RBMS2: variants seen among roughly 807,000 people sequenced by gnomAD.
RBMS2 encodes RNA-binding motif, single-stranded-interacting protein 2.
A neutral mutation model predicts 58.4 loss-of-function variants in RBMS2; 38 were observed. The ratio of observed to expected loss-of-function variants is 0.65; its 90% confidence interval spans 0.50 to 0.85. The LOEUF is 0.85. RBMS2 is among the 40% of genes least tolerant of loss of function. The pLI, the probability that RBMS2 is intolerant of heterozygous loss-of-function variation, is 0.00. For missense variants in RBMS2, 367 were observed against 503.7 expected, an observed-to-expected ratio of 0.73 and a Z score of 2.60; for synonymous variants, 151 against 180.7, an observed-to-expected ratio of 0.84 and a Z score of 1.32.
At chr12:56,540,368 T>C (rs910291954) in intron 1 of RBMS2, among the ~76,000 whole-genome samples, 3 of 152,128 alleles carry the variant, frequency 2.0e-5, no homozygotes, top group African/African-American at 7.2e-5. Context: ...TTTACATATA[T>C]GTATATATTT....
chr12:56,564,996 A>G (rs1243844795), intron 2 of RBMS2, among the ~76,000 whole-genome samples: 1 of 152,218 alleles, frequency 6.6e-6, no homozygotes, highest in Non-Finnish European at 1.5e-5. Flanking sequence ...TGGGTGACAG[A>G]GCAAGACTTC....
chr12:56,569,139 A>G, intron 3 of RBMS2, 106 bp downstream of exon 3: 1 of 985,288 alleles, frequency 1.0e-6, no homozygotes. Flanking sequence ...GTCAGCGAGA[A>G]GTCCCTGAAG....
chr12:56,539,315 C>T (rs1875636173), intron 1 of RBMS2, among the ~76,000 whole-genome samples: 1 of 152,142 alleles, frequency 6.6e-6, no homozygotes, highest in Non-Finnish European at 1.5e-5. Flanking sequence ...CTGCGCCCAG[C>T]CAGAATTCAG....
At chr12:56,572,909 C>T in intron 5 of RBMS2, 7 of 985,260 alleles carry the variant, frequency 7.1e-6, no homozygotes, top group Non-Finnish European at 8.4e-6. Context: ...CACAGTATTC[C>T]CTATACCTGC....
In RBMS2 at chr12:56,587,608, A is replaced by G. The variant is rs754171343; in HGVS notation, c.1006A>G (p.Met336Val). 1.9e-6 allele frequency: 3 copies of G among 1,613,946 alleles called. No individual in the cohort carries two copies. The highest frequency in any genetic ancestry group is 2.7e-5 in the African/African-American group (2 of 74,912). The change falls in exon 11 of 14, where the codon ATG becomes GTG. Residue 336 changes from methionine to valine, a missense_variant. Transcript: ENST00000262031. The part of the protein sequence containing the change: ...DHPISLQPAS[M>V]MGPLTQQLGH... ...TCCCATTTCTCTCCAGCCTGCCTCC[A>G]TGATGGGACCCCTTACCCAGCAACT... is the stretch of plus-strand genomic sequence containing the variant.
chr12:56,569,173 G>A (rs1309865715), intron 3 of RBMS2, 140 bp downstream of exon 3: 2 of 783,712 alleles, frequency 2.6e-6, no homozygotes, highest in South Asian at 1.8e-5. Flanking sequence ...AAGATTAGGA[G>A]ATATTTAGAT....
At chr12:56,561,516 C>T (rs1880378422) in intron 1 of RBMS2, among the ~76,000 whole-genome samples, 1 of 151,636 alleles carries the variant, frequency 6.6e-6, no homozygotes, top group African/African-American at 2.4e-5. Context: ...GCATTTCTTT[C>T]TTTTTTTTGA....
intron 1 of RBMS2, among the ~76,000 whole-genome samples, chr12:56,547,847 T>G (rs1431511139): frequency 1.3e-5 from 2 of 151,514 alleles, no homozygotes; most frequent in Admixed American, 1.3e-4. Flanking sequence ...AGACGGGGTT[T>G]CACCATGTTG....
upstream of RBMS2, among the ~76,000 whole-genome samples, chr12:56,521,500 C>CTTTTTTT (rs1871713749): frequency 1.1e-5 from 1 of 92,464 alleles, no homozygotes; most frequent in African/African-American, 4.7e-5. Flanking sequence ...CACTCTAACT[C>CTTTTTTT]TGTTTTTTTT....
At chr12:56,569,787 C>T (rs908542014) in intron 3 of RBMS2, 112 bp from the exon 4 acceptor site, 10 of 903,316 alleles carry the variant, frequency 1.1e-5, no homozygotes, top group Non-Finnish European at 1.8e-5. Context: ...GCTCTTTCTC[C>T]CTCCCATTTC....
At position 56,589,036 on chromosome 12, in the gene RBMS2, G is replaced by T; in HGVS notation, c.*6+18G>T. On this transcript the variant is annotated intron_variant, in intron 13 of 13. Transcript: ENST00000262031. Reference sequence around the variant, plus strand: ...AACAGTGGGTAAGAACCACATGCTGGGGGGCAGGGAGGGCTGCACTGGCAG... The same window carrying T: ...AACAGTGGGTAAGAACCACATGCTGTGGGGCAGGGAGGGCTGCACTGGCAG... 1 of 1,614,100 alleles carries T rather than the reference G, an allele frequency of 6.2e-7. No homozygotes were observed. Among genetic ancestry groups the T allele is most frequent in the Non-Finnish European group, 8.5e-7 (1 of 1,179,952 alleles).
At chr12:56,561,758 A>AC (rs751439284) in intron 1 of RBMS2, among the ~76,000 whole-genome samples, 1,148 of 28,666 alleles carry the variant, frequency 0.04, 23 homozygotes, top group African/African-American at 0.085. Flanking sequence ...CTCGTGATCC[A>AC]CCCCCCCCCT....
chr12:56,560,148 G>T (rs1237013036), intron 1 of RBMS2, among the ~76,000 whole-genome samples: 1 of 151,700 alleles, frequency 6.6e-6, no homozygotes, highest in African/African-American at 2.4e-5. Flanking sequence ...ACCCGCCTCG[G>T]CCTCCCAAAG....
chr12:56,537,191 G>T (rs1023123095), intron 1 of RBMS2, among the ~76,000 whole-genome samples: 3 of 152,132 alleles, frequency 2.0e-5, no homozygotes, highest in African/African-American at 7.2e-5. Flanking sequence ...AAAGTGCTGG[G>T]ATTACAGGCG....
At chr12:56,575,553 C>T (rs933695495) in intron 5 of RBMS2, among the ~76,000 whole-genome samples, 6 of 151,610 alleles carry the variant, frequency 4.0e-5, no homozygotes, top group African/African-American at 1.5e-4. Flanking sequence ...TCCCCCTTAC[C>T]CCTACACCCC....
chr12:56,578,938 T>C (rs1279260156), intron 5 of RBMS2, among the ~76,000 whole-genome samples: 2 of 152,126 alleles, frequency 1.3e-5, no homozygotes, highest in African/African-American at 2.4e-5. Flanking sequence ...TACTCCAGCC[T>C]GGGCAACAGA....
chr12:56,583,112 G>GT (rs2136565937), intron 9 of RBMS2, among the ~76,000 whole-genome samples: 1 of 152,196 alleles, frequency 6.6e-6, no homozygotes, highest in South Asian at 2.1e-4. Flanking sequence ...ACTTAGATTC[G>GT]TTTTTTTGCT....
intron 1 of RBMS2, among the ~76,000 whole-genome samples, chr12:56,531,271 A>G (rs2136251783): frequency 6.6e-6 from 1 of 152,216 alleles, no homozygotes; most frequent in Non-Finnish European, 1.5e-5. Flanking sequence ...TATCTAGTAG[A>G]TACTCAAAAA....
chr12:56,581,796 G>A (rs763857541), intron 7 of RBMS2, 37 bp from the exon 8 acceptor site: 59 of 1,610,802 alleles, frequency 3.7e-5, no homozygotes, highest in Non-Finnish European at 4.4e-5. Context: ...TCTCACTCAA[G>A]GGCTCACAAT....
Sources: allele counts gnomAD v4.1 joint callset (sites outside exome capture counted in the v4.1 genomes callset), GRCh38; gene constraint gnomAD v4.1.1; transcripts MANE v1.5; gene names NCBI Gene and HGNC (gene_info 2026-07-23, HGNC 2026-07-21).